Variants in DSP observed in about 807,000 individuals in gnomAD.
DSP encodes the protein 250/210 kDa paraneoplastic pemphigus antigen.
Under a neutral mutation model 290.6 loss-of-function variants are expected in DSP, and 114 were observed. That is an observed-to-expected ratio of 0.39 (90% confidence interval 0.34 to 0.46). The LOEUF (loss-of-function observed/expected upper bound fraction) is 0.46. Ranked by LOEUF, DSP falls within the 20% of genes least tolerant of loss-of-function variation. The probability of loss-of-function intolerance (pLI) is 0.99; values close to 1 mark genes in which losing one functional copy is unlikely to be tolerated. For synonymous variants in DSP, 1,311 were observed against 1,316.4 expected (o/e 1.00, Z 0.09); for missense variants, 3,230 against 3,495.8 (o/e 0.92, Z 1.92).
intron 1 of DSP, among the ~76,000 whole-genome samples, chr6:7,553,498 C>T (rs761389878): frequency 1.3e-5 from 2 of 152,128 alleles, no homozygotes; most frequent in Non-Finnish European, 2.9e-5. Flanking sequence ...TACACAGGAC[C>T]TTCCTAATTT....
At chr6:7,577,441 G>A (rs561427961) in intron 20 of DSP, among the ~76,000 whole-genome samples, 35 of 152,220 alleles carry the variant, frequency 2.3e-4, no homozygotes, top group South Asian at 6.2e-4. Context: ...TGATTCTCCC[G>A]CCTCAGCTTC....
chr6:7,574,990 A>G (rs1398252575), intron 17 of DSP, among the ~76,000 whole-genome samples, 195 bp downstream of exon 17: 3 of 152,180 alleles, frequency 2.0e-5, no homozygotes, highest in Non-Finnish European at 4.4e-5. Flanking sequence ...ATAAGAAAGT[A>G]ATTCGTGATG....
At chr6:7,570,315 C>T (rs888566171) in intron 12 of DSP, 122 bp from the exon 13 acceptor site, 35 of 1,414,652 alleles carry the variant, frequency 2.5e-5, no homozygotes, top group African/African-American at 9.9e-5. Flanking sequence ...TATACCTCTA[C>T]CTGTTACTTT....
Position 7,565,263 on chromosome 6 carries a change from T to TG in DSP, c.778-96_778-95insG. On this transcript the variant is annotated intron_variant, in intron 6 of 23. Transcript: ENST00000379802. The surrounding 1 kb of genome is among the most constrained non-coding windows in gnomAD (Gnocchi z 4.2). ...CATTTTTCCTATCCGTGTGATTTTT[T>TG]TTTTAAAGGGACCACAGGTTTAATC... The TG allele has an allele frequency of 6.6e-7, 1 of 1,513,896 alleles. No individual in the cohort carries two copies. Among genetic ancestry groups the TG allele is most frequent in the South Asian group, 1.1e-5 (1 of 87,970 alleles). 93.8% of individuals were successfully genotyped at this position (1,513,896 alleles called of 1,614,324 possible).
rs1235156109 is a variant in DSP, at chr6:7,565,851, G to C, written c.939+331G>C. 4.8e-5 allele frequency: 19 copies of C among 399,194 alleles called. No homozygotes were observed. The highest frequency in any genetic ancestry group is 5.7e-5 in the Non-Finnish European group (12 of 210,764). The allele number at this position is 399,194 out of a possible 1,614,324, so 24.7% of individuals were successfully genotyped here. A position where few individuals can be genotyped will look rare whatever the true frequency, so the allele number is the denominator to read the frequency against. The stretch of plus-strand genomic sequence containing the variant: ...CAGAGGGTGGAGGTGGAAGGAGGGA[G>C]AGGATCAGGCAAGATAACTAATGGG... On this transcript the variant is annotated intron_variant, in intron 7 of 23. Coordinates refer to ENST00000379802, the MANE Select transcript of DSP (RefSeq NM_004415.4). The surrounding 1 kb of genome is among the most constrained non-coding windows in gnomAD (Gnocchi z 4.2).
rs2113692271 is a variant in DSP at position 7,579,825 on chromosome 6, CAG to C, written c.3639_3640del (p.Glu1213AspfsTer2). On this transcript the variant is annotated frameshift_variant, in exon 23 of 24. Transcript: ENST00000379802. LOFTEE classifies it high-confidence loss of function. The surrounding 1 kb of genome is among the most constrained non-coding windows in gnomAD (Gnocchi z 4.1). ...AGTAATTTAAGGAACAAGTATGAAA[CAG>C]AGATTAACATTACGAAGACCACCAT... 1 of 1,614,024 alleles carries C rather than the reference CAG, an allele frequency of 6.2e-7. No individual in the cohort carries two copies.
intron 1 of DSP, among the ~76,000 whole-genome samples, chr6:7,546,459 C>T (rs149752218): frequency 6.2e-4 from 95 of 152,252 alleles, no homozygotes; most frequent in Admixed American, 1.5e-3. Context: ...TGTGATGTGC[C>T]TTGTATAGGA....
chr6:7,565,634 G>C lies in DSP; in HGVS notation c.939+114G>C. On this transcript the variant is annotated intron_variant, in intron 7 of 23. Transcript: ENST00000379802. This position sits in a 1 kb window ranked among gnomAD's most constrained non-coding sequence, Gnocchi z 4.2. Reference sequence around the variant, plus strand: ...AATTTAATCAGCCACTTGCAATTCAGCCTTCTTTGAAATGGTCGTGAAAAA... The same window carrying C: ...AATTTAATCAGCCACTTGCAATTCACCCTTCTTTGAAATGGTCGTGAAAAA... The C allele has an allele frequency of 1.1e-5, 16 of 1,395,380 alleles. No homozygotes were observed. The highest frequency in any genetic ancestry group is 1.6e-5 in the Non-Finnish European group (16 of 1,002,324). 86.4% of individuals were successfully genotyped at this position (1,395,380 alleles called of 1,614,324 possible).
rs1295532236 is a variant in DSP, at chr6:7,582,729, G to A, written c.5467G>A (p.Glu1823Lys). ...ESLLVKIKVL[E>K]QDKARLQRLE... Reference sequence around the variant, plus strand: ...CCTTCTGGTGAAAATCAAAGTCCTGGAGCAAGACAAGGCAAGGCTGCAGAG... The same window carrying A: ...CCTTCTGGTGAAAATCAAAGTCCTGAAGCAAGACAAGGCAAGGCTGCAGAG... Residue 1823 changes from glutamate to lysine, a missense_variant, in exon 24 of 24, where the codon GAG (glutamate) becomes AAG (lysine). By Grantham distance (56) the Glu-to-Lys change is moderately conservative (BLOSUM62 1). Around this residue, in one of 5 missense-constraint regions of DSP, gnomAD observed 1,714 missense variants for 1,844.5 expected, o/e 0.93. Coordinates refer to ENST00000379802, the MANE Select transcript of DSP (RefSeq NM_004415.4). This position sits in a 1 kb window ranked among gnomAD's most constrained non-coding sequence, Gnocchi z 4.2. The A allele has an allele frequency of 6.2e-7, 1 of 1,613,596 alleles. No homozygotes were observed. The highest frequency in any genetic ancestry group is 8.5e-7 in the Non-Finnish European group (1 of 1,179,838).
rs111636237 is a variant in DSP at position 7,554,583 on chromosome 6, A to T, written c.171-1135A>T. On this transcript the variant is annotated intron_variant, in intron 1 of 23. Transcript: ENST00000379802. ...AGACAATGTATTTAAATTTTCCATC[A>T]CTTTCTTCACACCATGATTTTTAAA... Among the ~76,000 whole-genome samples the T allele has an allele frequency of 5.6e-3, 854 of 152,168 alleles. 9 individuals are homozygous for T. The highest frequency in any genetic ancestry group is 0.019 in the African/African-American group (801 of 41,528).
rs750982753 is a variant in DSP at position 7,578,422 on chromosome 6, T to TA, written c.2986-40dup. 1.9e-6 allele frequency: 3 copies of TA among 1,542,726 alleles called. No homozygotes were observed. In the South Asian group the frequency reaches 3.4e-5, roughly 17 times the overall value. On this transcript the variant is annotated intron_variant, in intron 21 of 23. Transcript: ENST00000379802. The stretch of plus-strand genomic sequence containing the variant: ...GTCAAATTACATAGGACTTTTTTTT[T>TA]AATGCAATATCTTTTTCTTTCTTTC...
Position 7,576,262 on chromosome 6 carries a change from A to G in DSP, c.2631-32A>G, listed in dbSNP as rs772934890. ...GTTACATATTTTAGGAACTAATAAG[A>G]TAATGATTTTATTGTATCTATTTCC... On this transcript the variant is annotated intron_variant, in intron 18 of 23. Coordinates refer to ENST00000379802, the MANE Select transcript of DSP (RefSeq NM_004415.4). 3.7e-6 allele frequency: 6 copies of G among 1,609,690 alleles called. No individual in the cohort carries two copies. The South Asian group carries it at 4.4e-5, about 12-fold the overall frequency.
chr6:7,583,629 C>T lies in DSP; in HGVS notation c.6367C>T (p.Arg2123Cys), dbSNP rs372242085. ...KNLIDRETGM[R>C]LLEAQIASGG... is the part of the protein sequence containing the mutation. ...TTTGATTGATAGAGAAACCGGAATGCGCCTGCTGGAAGCCCAGATTGCTTC... is the reference window on the plus strand; with the variant it reads ...TTTGATTGATAGAGAAACCGGAATGTGCCTGCTGGAAGCCCAGATTGCTTC... Residue 2123 changes from arginine to cysteine, a missense_variant, in exon 24 of 24, where the codon CGC becomes TGC. Around this residue, in one of 5 missense-constraint regions of DSP, gnomAD observed 1,714 missense variants for 1,844.5 expected, o/e 0.93. Coordinates refer to ENST00000379802, the MANE Select transcript of DSP (RefSeq NM_004415.4). This position sits in a 1 kb window ranked among gnomAD's most constrained non-coding sequence, Gnocchi z 4.0. 1.4e-5 allele frequency: 23 copies of T among 1,614,116 alleles called. No individual in the cohort carries two copies. Among genetic ancestry groups the T allele is most frequent in the Admixed American group, 8.3e-5 (5 of 60,018 alleles).
At chr6:7,575,750 T>C (rs1759222309) in intron 18 of DSP, among the ~76,000 whole-genome samples, 1 of 152,200 alleles carries the variant, frequency 6.6e-6, no homozygotes, top group Non-Finnish European at 1.5e-5. Context: ...AGCCAGCTCT[T>C]TTGTGTCCTA....
chr6:7,567,638 A>G (rs1758902031), intron 9 of DSP, 143 bp from the exon 10 acceptor site: 18 of 1,326,276 alleles, frequency 1.4e-5, no homozygotes, highest in Non-Finnish European at 1.8e-5. Flanking sequence ...GCTGCCACAT[A>G]CCTAAATACT....
chr6:7,579,556 GAGA>G lies in DSP; in HGVS notation c.3374_3376del (p.Arg1125del), dbSNP rs1405952840. 6.2e-7 allele frequency: 1 copy of G among 1,613,938 alleles called. No individual in the cohort carries two copies. The highest frequency in any genetic ancestry group is 8.5e-7 in the Non-Finnish European group (1 of 1,180,024). ...TGACTTATGAGATTGAAGATGAAAAGAGAAGAAGAAAATCTGTGGAAGACAGAT... is the reference window on the plus strand; with the variant it reads ...TGACTTATGAGATTGAAGATGAAAAGAGAAGAAAATCTGTGGAAGACAGAT... On this transcript the variant is annotated inframe_deletion, in exon 23 of 24. Coordinates refer to ENST00000379802, the MANE Select transcript of DSP (RefSeq NM_004415.4). The surrounding 1 kb of genome is among the most constrained non-coding windows in gnomAD (Gnocchi z 4.1).
intron 1 of DSP, among the ~76,000 whole-genome samples, chr6:7,550,766 A>G (rs1356030321): frequency 6.6e-6 from 1 of 151,864 alleles, no homozygotes; most frequent in Admixed American, 6.6e-5. Context: ...CTTTTGATAA[A>G]TTTGACCCAA....
At position 7,582,969 on chromosome 6, in the gene DSP, C is replaced by A. The variant is rs794728103; in HGVS notation, c.5707C>A (p.Gln1903Lys). 1.9e-6 allele frequency: 3 copies of A among 1,613,792 alleles called. No individual in the cohort carries two copies. Among genetic ancestry groups the A allele is most frequent in the African/African-American group, 1.3e-5 (1 of 74,824 alleles). The stretch of plus-strand genomic sequence containing the variant: ...TCTTAGGAGTGAGATCGAAAGACTC[C>A]AAGCAGAGATCAAGAGAATTGAAGA... The part of the protein sequence containing the change: ...NSLRSEIERL[Q>K]AEIKRIEERC... Residue 1903 changes from glutamine (Q) to lysine (K), a missense_variant, in exon 24 of 24, where the codon CAA (glutamine) becomes AAA (lysine). By Grantham distance (53) the Gln-to-Lys change is moderately conservative. Transcript: ENST00000379802. The surrounding 1 kb of genome is among the most constrained non-coding windows in gnomAD (Gnocchi z 4.2).
chr6:7,568,303 T>G, intron 10 of DSP, 134 bp from the exon 11 acceptor site: 1 of 1,012,650 alleles, frequency 9.9e-7, no homozygotes, highest in Admixed American at 2.0e-5. Context: ...TGCCGACGAA[T>G]TTGTGATTTT....
Sources: allele counts gnomAD v4.1 joint callset (sites outside exome capture counted in the v4.1 genomes callset), GRCh38; gene constraint gnomAD v4.1.1; regional missense constraint gnomAD v4.1.1; non-coding constraint Gnocchi (gnomAD v3.1); transcripts MANE v1.5; gene names NCBI Gene and HGNC (gene_info 2026-07-23, HGNC 2026-07-21).